The following NEBL variants were observed in gnomAD, a reference collection of about 807,000 sequenced individuals.
NEBL encodes the protein LIM and SH3 protein 2.
A neutral mutation model predicts 140.2 loss-of-function variants in NEBL; 122 were observed. That is an observed-to-expected ratio of 0.87 (90% CI 0.75 to 1.01). NEBL has a LOEUF of 1.01. NEBL is among the 50% of genes least tolerant of loss of function. The pLI, the probability that NEBL is intolerant of heterozygous loss-of-function variation, is 0.00. For synonymous variants in NEBL, 436 were observed against 398.9 expected (o/e 1.09, Z -1.11); for missense variants, 1,365 against 1,231.3 (o/e 1.11, Z -1.62).
intron 2 of NEBL, among the ~76,000 whole-genome samples, chr10:21,067,263 G>A (rs180747599): frequency 4.6e-5 from 7 of 152,060 alleles, no homozygotes; most frequent in Non-Finnish European, 7.3e-5. Flanking sequence ...GAGCCACCGC[G>A]CCCAGCCGAA....
chr10:20,864,929 T>C (rs1844117387), intron 7 of NEBL, among the ~76,000 whole-genome samples: 1 of 152,144 alleles, frequency 6.6e-6, no homozygotes, highest in Non-Finnish European at 1.5e-5. Context: ...AAAAAATGAA[T>C]ACGATAGCTA....
At position 21,049,560 on chromosome 10, in the gene NEBL, T is replaced by C. The variant is rs112796520; in HGVS notation, c.165-29359A>G. Among the ~76,000 whole-genome samples, 464 of 152,286 alleles carry C rather than the reference T, an allele frequency of 3.0e-3. 2 individuals are homozygous for C. Among genetic ancestry groups the C allele is most frequent in the Non-Finnish European group, 5.0e-3 (341 of 68,016 alleles). On this transcript the variant is annotated intron_variant, in intron 2 of 6. Coordinates refer to the NEBL transcript ENST00000417816. Reference sequence around the variant, plus strand: ...GCTTCTACTATTGTTCTCCCACCCATCTATTTATTGAAATCTTCTCATTCC... The same window carrying C: ...GCTTCTACTATTGTTCTCCCACCCACCTATTTATTGAAATCTTCTCATTCC...
At chr10:20,827,684 A>G (rs928157430) in intron 17 of NEBL, among the ~76,000 whole-genome samples, 1 of 152,308 alleles carries the variant, frequency 6.6e-6, no homozygotes, top group African/African-American at 2.4e-5. Flanking sequence ...AATGCCCATC[A>G]ATGATAGACT....
chr10:21,244,340 AT>A (rs753062414), intron 3 of NEBL, among the ~76,000 whole-genome samples: 86 of 143,242 alleles, frequency 6.0e-4, no homozygotes, highest in East Asian at 1.1e-3. Context: ...TAAATTTTGT[AT>A]TTTTTTTTTT....
At chr10:21,134,786 G>C (rs1839273781) in intron 2 of NEBL, among the ~76,000 whole-genome samples, 1 of 152,186 alleles carries the variant, frequency 6.6e-6, no homozygotes, top group Non-Finnish European at 1.5e-5. Flanking sequence ...TGATTACTGA[G>C]TTCTGACAAA....
intron 4 of NEBL, among the ~76,000 whole-genome samples, chr10:20,935,576 A>G (rs905633566): frequency 2.0e-5 from 3 of 152,204 alleles, no homozygotes; most frequent in African/African-American, 7.2e-5. Flanking sequence ...TGAGAGACTG[A>G]TTCTGGAATC....
intron 9 of NEBL, among the ~76,000 whole-genome samples, chr10:20,855,275 A>T (rs1420126057): frequency 1.3e-5 from 2 of 151,968 alleles, no homozygotes; most frequent in Non-Finnish European, 2.9e-5. Context: ...AAATCTGGAA[A>T]GAAAGATAAT....
At chr10:20,970,248 GACTC>G (rs1259562937) in intron 3 of NEBL, among the ~76,000 whole-genome samples, 1 of 152,156 alleles carries the variant, frequency 6.6e-6, no homozygotes, top group Admixed American at 6.5e-5. Context: ...CACACATGTT[GACTC>G]ACTCACTCAT....
At chr10:21,226,246 G>C (rs1842146458) in intron 3 of NEBL, among the ~76,000 whole-genome samples, 2 of 151,690 alleles carry the variant, frequency 1.3e-5, no homozygotes, top group African/African-American at 4.8e-5. Flanking sequence ...TGGCTGAGCT[G>C]GTATCCAATT....
At chr10:21,277,158 C>T (rs1318807644) in intron 1 of NEBL, among the ~76,000 whole-genome samples, 1 of 151,568 alleles carries the variant, frequency 6.6e-6, no homozygotes, top group Non-Finnish European at 1.5e-5. Context: ...AACACGATTG[C>T]TCATGCCTGC....
At chr10:20,909,149 A>AT (rs1165792399) in intron 4 of NEBL, among the ~76,000 whole-genome samples, 2 of 67,074 alleles carry the variant, frequency 3.0e-5, no homozygotes, top group Admixed American at 1.8e-4. Flanking sequence ...TGAGTTACAA[A>AT]CATCCAACTA....
chr10:21,177,193 T>A (rs898236953), upstream of NEBL, among the ~76,000 whole-genome samples: 1 of 152,252 alleles, frequency 6.6e-6, no homozygotes, highest in African/African-American at 2.4e-5. Flanking sequence ...AAGCTTCAAA[T>A]GCGCTTGCAT....
chr10:21,139,987 CAAAAAAA>C (rs11289396), intron 2 of NEBL, among the ~76,000 whole-genome samples: 4 of 99,658 alleles, frequency 4.0e-5, no homozygotes, highest in South Asian at 3.2e-4. Flanking sequence ...CCTGTCTCAA[CAAAAAAA>C]AAAAAAAAAA....
intron 3 of NEBL, among the ~76,000 whole-genome samples, chr10:21,002,624 G>A (rs1318725406): frequency 6.6e-6 from 1 of 152,144 alleles, no homozygotes; most frequent in Non-Finnish European, 1.5e-5. Flanking sequence ...AGAGGTCTCA[G>A]GAAACTCACA....
intron 2 of NEBL, among the ~76,000 whole-genome samples, chr10:21,057,840 G>T (rs1020475101): frequency 3.3e-5 from 5 of 152,010 alleles, no homozygotes; most frequent in African/African-American, 1.2e-4. Context: ...CACTGCACCT[G>T]GCCCTGATCT....
intron 1 of NEBL, among the ~76,000 whole-genome samples, chr10:21,285,876 T>C (rs963691613): frequency 6.6e-6 from 1 of 152,222 alleles, no homozygotes; most frequent in Non-Finnish European, 1.5e-5. Context: ...GCTGCTATGC[T>C]GTAAACAGCC....
At chr10:20,804,430 G>T (rs889205824) in intron 26 of NEBL, 1 of 152,044 alleles carries the variant, frequency 6.6e-6, no homozygotes, top group Non-Finnish European at 1.5e-5. Flanking sequence ...CTACACAAAG[G>T]TTCACATGAC....
chr10:20,808,557 G>A lies in NEBL; in HGVS notation c.2714C>T (p.Pro905Leu), dbSNP rs1225288100. The A allele has an allele frequency of 1.2e-6, 2 of 1,613,866 alleles. No homozygotes were observed. Among genetic ancestry groups the A allele is most frequent in the African/African-American group, 2.7e-5 (2 of 74,890 alleles). ...DDRSEISEIYPSFSCCSEVTR... is the reference protein window; with the variant it reads ...DDRSEISEIYLSFSCCSEVTR... ...TACCTCACTGCAGCATGAAAAGCTA[G>A]GGTAAATCTCGGAGATTTCTGACCT... The change falls in exon 26 of 28, where the codon CCT (proline) becomes CTT (leucine). Residue 905 changes from proline to leucine, a missense_variant. Pro to Leu is a moderately conservative substitution (Grantham distance 98). Around this residue, in one of 2 missense-constraint regions of NEBL, gnomAD observed 1,323 missense variants for 1,154.8 expected, o/e 1.15. Transcript: ENST00000377122.
intron 2 of NEBL, among the ~76,000 whole-genome samples, chr10:21,153,808 C>A (rs566789620): frequency 3.3e-5 from 5 of 152,150 alleles, no homozygotes; most frequent in African/African-American, 1.2e-4. Context: ...GCCACCGTGC[C>A]CGGCCATAAA....
Sources: allele counts gnomAD v4.1 joint callset (sites outside exome capture counted in the v4.1 genomes callset), GRCh38; gene constraint gnomAD v4.1.1; regional missense constraint gnomAD v4.1.1; transcripts MANE v1.5; gene names NCBI Gene and HGNC (gene_info 2026-07-23, HGNC 2026-07-21).